DNAI7: variants seen among roughly 807,000 people sequenced by gnomAD.
DNAI7 encodes cancer susceptibility 1.
A neutral mutation model predicts 86.6 loss-of-function variants in DNAI7; 78 were observed. The ratio of observed to expected loss-of-function variants is 0.90; its 90% CI spans 0.75 to 1.09. The LOEUF is 1.09. Ranked by LOEUF, DNAI7 falls within the 50% of genes least tolerant of loss-of-function variation. The pLI, the probability that DNAI7 is intolerant of heterozygous loss-of-function variation, is 0.00. For synonymous variants in DNAI7, 274 were observed against 273.0 expected, an observed-to-expected ratio of 1.00 and a Z score of -0.04; for missense variants, 753 against 810.2, an observed-to-expected ratio of 0.93 and a Z score of 0.86.
intron 1 of DNAI7, 138 bp from the exon 2 acceptor site, chr12:25,190,769 TTTCC>T (rs200099292): frequency 0.018 from 7,893 of 427,936 alleles, 137 homozygotes; most frequent in East Asian, 0.054. Context: ...TCTTTGTAAC[TTTCC>T]TTGCAAATCT....
At chr12:25,133,329 C>A (rs1386916148) in intron 9 of DNAI7, among the ~76,000 whole-genome samples, 2 of 152,228 alleles carry the variant, frequency 1.3e-5, no homozygotes, top group East Asian at 3.9e-4. Context: ...TCATTCTTTT[C>A]CCCTAACAAA....
At chr12:25,121,949 T>C in intron 10 of DNAI7, 36 bp from the exon 11 acceptor site, 1 of 1,386,404 alleles carries the variant, frequency 7.2e-7, no homozygotes, top group Non-Finnish European at 9.8e-7. Flanking sequence ...TCAAATAGAT[T>C]ACAGTTTAGT....
chr12:25,135,972 T>C (rs975803127), intron 9 of DNAI7, among the ~76,000 whole-genome samples: 6 of 152,106 alleles, frequency 3.9e-5, no homozygotes, highest in African/African-American at 1.4e-4. Context: ...TATGGCCCCA[T>C]CCATCACCTG....
At chr12:25,133,750 G>A (rs1943216247) in intron 9 of DNAI7, among the ~76,000 whole-genome samples, 1 of 152,200 alleles carries the variant, frequency 6.6e-6, no homozygotes, top group Non-Finnish European at 1.5e-5. Flanking sequence ...GGTGAGATAT[G>A]TTCCTGGAAA....
chr12:25,112,588 A>G lies in DNAI7; in HGVS notation c.1612-649T>C, dbSNP rs190134828. On this transcript the variant is annotated intron_variant, in intron 13 of 15. Transcript: ENST00000395987. ...CACCCGGCTAATTTTTTGTATTTTT[A>G]GTAGAGACAGGGTTTCACCGTGTTA... 4.0e-5 allele frequency among the ~76,000 whole-genome samples: 6 copies of G among 151,694 alleles called. No individual in the cohort carries two copies. In the East Asian group the frequency reaches 1.2e-3, roughly 29 times the overall value.
intron 2 of DNAI7, among the ~76,000 whole-genome samples, chr12:25,185,191 T>C (rs190711030): frequency 6.6e-6 from 1 of 152,220 alleles, no homozygotes; most frequent in African/African-American, 2.4e-5. Context: ...CTTCCATTAC[T>C]TCTTTGGTTT....
At chr12:25,120,317 G>GGAGA (rs369253749) in intron 11 of DNAI7, among the ~76,000 whole-genome samples, 1,915 of 80,746 alleles carry the variant, frequency 0.024, 105 homozygotes, top group African/African-American at 0.035. Context: ...GCAGGAAGAG[G>GGAGA]GAGAGAGAGA....
chr12:25,189,989 T>TAAA (rs71449907), intron 2 of DNAI7, among the ~76,000 whole-genome samples: 1 of 19,082 alleles, frequency 5.2e-5, no homozygotes. Flanking sequence ...GCAACTGATT[T>TAAA]AAAAAAAAAA....
intron 14 of DNAI7, among the ~76,000 whole-genome samples, chr12:25,110,585 G>A (rs753782733): frequency 7.2e-5 from 11 of 152,008 alleles, no homozygotes; most frequent in African/African-American, 1.2e-4. Flanking sequence ...CCACTCCCTC[G>A]GGGCTCTTGC....
intron 2 of DNAI7, among the ~76,000 whole-genome samples, chr12:25,170,377 C>T (rs1294452771): frequency 8.1e-5 from 12 of 148,646 alleles, no homozygotes; most frequent in East Asian, 2.0e-4. Context: ...GGCAACAGAG[C>T]GAGACTCCGT....
intron 9 of DNAI7, among the ~76,000 whole-genome samples, chr12:25,124,396 A>AT (rs1592255617): frequency 6.6e-6 from 1 of 152,146 alleles, no homozygotes; most frequent in East Asian, 1.9e-4. Flanking sequence ...TAGTAGTGGC[A>AT]TTGCTAGACA....
chr12:25,142,576 A>G (rs1240636338), intron 9 of DNAI7, among the ~76,000 whole-genome samples: 2 of 152,238 alleles, frequency 1.3e-5, no homozygotes. Flanking sequence ...AGATAGATGC[A>G]TAAGAAAAAA....
At chr12:25,158,415 T>G in intron 4 of DNAI7, 57 bp downstream of exon 4, 1 of 1,389,698 alleles carries the variant, frequency 7.2e-7, no homozygotes. Flanking sequence ...TAAATGACAA[T>G]AAATCTGATA....
At chr12:25,147,483 C>A (rs1268650385) in intron 7 of DNAI7, among the ~76,000 whole-genome samples, 1 of 150,124 alleles carries the variant, frequency 6.7e-6, no homozygotes, top group Non-Finnish European at 1.5e-5. Flanking sequence ...GAGACCACCC[C>A]CATCTCTACA....
chr12:25,111,420 A>C (rs1258876810), intron 14 of DNAI7, among the ~76,000 whole-genome samples: 2 of 152,190 alleles, frequency 1.3e-5, no homozygotes, highest in Non-Finnish European at 2.9e-5. Context: ...AATTCTGCCT[A>C]ACTTACCATG....
intron 2 of DNAI7, among the ~76,000 whole-genome samples, chr12:25,175,295 C>A (rs572330962): frequency 5.3e-4 from 81 of 152,130 alleles, no homozygotes; most frequent in Middle Eastern, 3.4e-3. Flanking sequence ...CTTTACACAC[C>A]AAATCTTTGA....
chr12:25,191,711 T>C (rs949936195), intron 1 of DNAI7, among the ~76,000 whole-genome samples: 5 of 151,790 alleles, frequency 3.3e-5, no homozygotes, highest in African/African-American at 9.7e-5. Context: ...AATAAACAAA[T>C]AAATAAATAA....
intron 2 of DNAI7, among the ~76,000 whole-genome samples, chr12:25,182,856 C>G (rs889058501): frequency 6.6e-6 from 1 of 151,850 alleles, no homozygotes; most frequent in African/African-American, 2.4e-5. Context: ...CTCAGGAAGT[C>G]AAGCCCGCTG....
intron 14 of DNAI7, among the ~76,000 whole-genome samples, chr12:25,111,404 A>C (rs201878595): frequency 1.3e-5 from 2 of 152,196 alleles, no homozygotes; most frequent in South Asian, 2.1e-4. Flanking sequence ...TGGTCCTTGT[A>C]TTTTTAATTC....
Sources: allele counts gnomAD v4.1 joint callset (sites outside exome capture counted in the v4.1 genomes callset), GRCh38; gene constraint gnomAD v4.1.1; transcripts MANE v1.5; gene names NCBI Gene and HGNC (gene_info 2026-07-23, HGNC 2026-07-21).